CDH18: variants seen among roughly 807,000 people sequenced by gnomAD.
CDH18 encodes cadherin 18, also known as cadherin-18.
Under a neutral mutation model 67.9 loss-of-function variants are expected in CDH18, and 31 were observed. That is an observed-to-expected ratio of 0.46 (90% CI 0.34 to 0.62). The LOEUF (loss-of-function observed/expected upper bound fraction) is 0.62. CDH18 is among the 20% of genes least tolerant of loss of function. CDH18 has a pLI of 0.01. For synonymous variants in CDH18, 362 were observed against 347.2 expected, an observed-to-expected ratio of 1.04 and a Z score of -0.48; for missense variants, 890 against 975.5, an observed-to-expected ratio of 0.91 and a Z score of 1.17.
chr5:20,327,706 G>T (rs527601280), intron 1 of CDH18, among the ~76,000 whole-genome samples: 1 of 152,050 alleles, frequency 6.6e-6, no homozygotes. Flanking sequence ...AAAAAATAAA[G>T]CTAAGGTATC....
intron 5 of CDH18, among the ~76,000 whole-genome samples, chr5:19,623,508 T>G (rs1270111885): frequency 6.6e-6 from 1 of 152,168 alleles, no homozygotes; most frequent in African/African-American, 2.4e-5. Context: ...GTGCTCAAAT[T>G]GCAAACCCAT....
intron 2 of CDH18, among the ~76,000 whole-genome samples, chr5:20,224,876 C>G (rs1167690766): frequency 2.0e-5 from 3 of 152,018 alleles, no homozygotes; most frequent in African/African-American, 7.2e-5. Context: ...AACATTATCT[C>G]TAATATATAA....
chr5:19,962,897 C>A (rs2150310499), intron 2 of CDH18, among the ~76,000 whole-genome samples: 1 of 152,154 alleles, frequency 6.6e-6, no homozygotes, highest in Non-Finnish European at 1.5e-5. Context: ...TCTAATTCAC[C>A]AAGGCAGGAA....
intron 3 of CDH18, among the ~76,000 whole-genome samples, chr5:19,831,240 A>C (rs1256262790): frequency 6.6e-6 from 1 of 152,140 alleles, no homozygotes; most frequent in African/African-American, 2.4e-5. Flanking sequence ...CTGAAAAGCA[A>C]TCACAAAACA....
At chr5:19,807,983 C>T (rs1778206942) in intron 3 of CDH18, among the ~76,000 whole-genome samples, 1 of 151,962 alleles carries the variant, frequency 6.6e-6, no homozygotes, top group South Asian at 2.1e-4. Context: ...TAAATAAATG[C>T]ATTTTGAGTA....
intron 2 of CDH18, among the ~76,000 whole-genome samples, chr5:20,199,211 T>C (rs924091799): frequency 8.5e-5 from 13 of 152,052 alleles, no homozygotes; most frequent in African/African-American, 2.9e-4. Flanking sequence ...GGAAAACCCA[T>C]AGACACTCAA....
At chr5:19,796,893 A>C (rs1776914669) in intron 3 of CDH18, among the ~76,000 whole-genome samples, 1 of 151,990 alleles carries the variant, frequency 6.6e-6, no homozygotes, top group Admixed American at 6.6e-5. Context: ...AGAAATATAC[A>C]AAGAAGTATA....
chr5:20,004,468 C>T (rs1460011774), intron 2 of CDH18, among the ~76,000 whole-genome samples: 1 of 152,156 alleles, frequency 6.6e-6, no homozygotes, highest in Non-Finnish European at 1.5e-5. Flanking sequence ...GGAGAGAACA[C>T]TTCACCCAAT....
In CDH18 at chr5:19,867,085, T is replaced by C. The variant is rs182000298; in HGVS notation, c.-256-27843A>G. ...GCCTGGGCAACAGAGCAAGACTCCATCTCAAAAATAAATGAATAAATAATG... is the reference window on the plus strand; with the variant it reads ...GCCTGGGCAACAGAGCAAGACTCCACCTCAAAAATAAATGAATAAATAATG... On this transcript the variant is annotated intron_variant, in intron 2 of 12. Coordinates refer to ENST00000382275, the MANE Select transcript of CDH18 (RefSeq NM_004934.5). Among the ~76,000 whole-genome samples the C allele has an allele frequency of 2.6e-5, 4 of 152,072 alleles. No homozygotes were observed. In the East Asian group the frequency reaches 5.8e-4, roughly 22 times the overall value.
intron 1 of CDH18, among the ~76,000 whole-genome samples, chr5:20,540,327 TG>T (rs1223788644): frequency 6.9e-6 from 1 of 144,142 alleles, no homozygotes; most frequent in African/African-American, 2.9e-5. Flanking sequence ...AAGACAGAAA[TG>T]AATTGCAGAA....
At chr5:19,816,098 T>G (rs1276250093) in intron 3 of CDH18, among the ~76,000 whole-genome samples, 3 of 152,078 alleles carry the variant, frequency 2.0e-5, no homozygotes, top group Admixed American at 6.6e-5. Context: ...TAACTTTTAT[T>G]AATGAACTAT....
At chr5:20,068,868 G>C (rs1743200677) in intron 2 of CDH18, among the ~76,000 whole-genome samples, 1 of 152,086 alleles carries the variant, frequency 6.6e-6, no homozygotes, top group African/African-American at 2.4e-5. Context: ...TTAGGTTATT[G>C]ATTGGATCAG....
At chr5:20,195,715 A>C (rs1198764752) in intron 2 of CDH18, among the ~76,000 whole-genome samples, 6 of 152,110 alleles carry the variant, frequency 3.9e-5, no homozygotes, top group Non-Finnish European at 8.8e-5. Flanking sequence ...ATGGAGGATA[A>C]TTATAAATAT....
rs1224727096 is a variant in CDH18, at chr5:19,526,890, T to C, written c.1391-6112A>G. ...GACTTATCTACTACTATAATAAAAA[T>C]TTACAGGGAATATGAACTTAAATAA... On this transcript the variant is annotated intron_variant, in intron 9 of 12. Transcript: ENST00000382275. Among the ~76,000 whole-genome samples, 4 of 152,066 alleles carry C rather than the reference T, an allele frequency of 2.6e-5. No individual in the cohort carries two copies. In the East Asian group the frequency reaches 5.8e-4, roughly 22 times the overall value.
intron 1 of CDH18, among the ~76,000 whole-genome samples, chr5:20,319,951 A>G (rs1737844522): frequency 6.6e-6 from 1 of 152,180 alleles, no homozygotes; most frequent in Admixed American, 6.5e-5. Flanking sequence ...TACCTAACAA[A>G]CTTAGTCTTT....
At chr5:20,295,593 G>A (rs1420324858) in intron 1 of CDH18, among the ~76,000 whole-genome samples, 1 of 151,762 alleles carries the variant, frequency 6.6e-6, no homozygotes, top group African/African-American at 2.4e-5. Flanking sequence ...TGGGCATGGT[G>A]GCGTGCACCT....
intron 1 of CDH18, among the ~76,000 whole-genome samples, chr5:20,380,091 G>T (rs1392645039): frequency 1.3e-5 from 2 of 152,054 alleles, no homozygotes; most frequent in Non-Finnish European, 2.9e-5. Context: ...CAAAATGAGG[G>T]ATGAAATAGC....
chr5:19,568,805 C>A lies in CDH18; in HGVS notation c.1253+2774G>T, dbSNP rs529359090. On this transcript the variant is annotated intron_variant, in intron 8 of 12. Coordinates refer to ENST00000382275, the MANE Select transcript of CDH18 (RefSeq NM_004934.5). ...ATAAATGTTTTTTGTTTATACCACA[C>A]AGTCGAAGGTAATTTGTTATAGCAG... Among the ~76,000 whole-genome samples, 5 of 151,486 alleles carry A rather than the reference C, an allele frequency of 3.3e-5. 1 individual carries two copies. In the South Asian group the frequency reaches 1.0e-3, roughly 31 times the overall value.
chr5:19,594,203 A>C (rs1177373574), intron 6 of CDH18, among the ~76,000 whole-genome samples: 1 of 151,906 alleles, frequency 6.6e-6, no homozygotes, highest in African/African-American at 2.4e-5. Flanking sequence ...CTCTGGCTGG[A>C]GTGGAATGGT....
Sources: gnomAD v4.1 joint callset for allele counts (sites outside exome capture counted in the v4.1 genomes callset) on GRCh38, gnomAD v4.1.1 for gene constraint, MANE v1.5 for transcripts, NCBI Gene and HGNC (gene_info 2026-07-23, HGNC 2026-07-21) for gene names.